Variants in AKIRIN2 observed in about 807,000 individuals in gnomAD.
The protein encoded by AKIRIN2 is akirin-2.
In AKIRIN2, 6 loss-of-function variants were observed where a neutral mutation model predicts 29.3. That is an observed-to-expected ratio of 0.20 (90% CI 0.11 to 0.40). AKIRIN2 has a LOEUF of 0.40. AKIRIN2 is among the 10% of genes least tolerant of loss of function. The pLI, the probability that AKIRIN2 is intolerant of heterozygous loss-of-function variation, is 1.00. For missense variants in AKIRIN2, 210 were observed against 276.1 expected (o/e 0.76, Z 1.70); for synonymous variants, 128 against 117.5 (o/e 1.09, Z -0.58).
Position 87,701,939 on chromosome 6 carries a change from C to T in AKIRIN2, c.-255G>A, listed in dbSNP as rs1339312284. On this transcript the variant is annotated 5_prime_UTR_variant, in exon 1 of 5. Coordinates refer to ENST00000257787, the MANE Select transcript of AKIRIN2 (RefSeq NM_018064.4). ...GGCGGGCAGAAGCACACGCCAGTCG[C>T]GTCAGGGGGGTTCTTCCGCCTCCTC... 7.4e-6 allele frequency: 3 copies of T among 406,220 alleles called. No individual in the cohort carries two copies. In the East Asian group the frequency reaches 1.1e-4, roughly 14 times the overall value. The allele number at this position is 406,220 out of a possible 1,614,324, so 25.2% of individuals were successfully genotyped here.
chr6:87,676,447 CAAAAAAAA>C (rs71021319), intron 3 of AKIRIN2, among the ~76,000 whole-genome samples: 3 of 41,916 alleles, frequency 7.2e-5, no homozygotes, highest in Non-Finnish European at 1.3e-4. Context: ...GCCTGGGCAA[CAAAAAAAA>C]AAAAAAAAAA....
At chr6:87,681,241 T>C (rs769218829) in intron 2 of AKIRIN2, among the ~76,000 whole-genome samples, 16 of 152,192 alleles carry the variant, frequency 1.1e-4, no homozygotes, top group Admixed American at 3.3e-4. Flanking sequence ...TTTTGCCATG[T>C]TGGCCAGGCT....
At chr6:87,686,576 C>T (rs1002707394) in intron 1 of AKIRIN2, among the ~76,000 whole-genome samples, 1 of 151,900 alleles carries the variant, frequency 6.6e-6, no homozygotes, top group Admixed American at 6.6e-5. Flanking sequence ...CTATTTTCCT[C>T]CAGACATCAT....
chr6:87,698,141 C>T (rs992569849), intron 1 of AKIRIN2, among the ~76,000 whole-genome samples: 3 of 152,110 alleles, frequency 2.0e-5, no homozygotes, highest in African/African-American at 7.2e-5. Flanking sequence ...CTACTAGAGG[C>T]ATTCATTTCA....
intron 3 of AKIRIN2, among the ~76,000 whole-genome samples, chr6:87,677,255 T>C (rs538677517): frequency 4.6e-5 from 7 of 152,270 alleles, no homozygotes; most frequent in Admixed American, 6.5e-5. Context: ...AAAGTTGTTA[T>C]ATATCTAAGC....
chr6:87,677,515 G>A lies in AKIRIN2; in HGVS notation c.529+303C>T, dbSNP rs565753777. ...TTTAAATGTCTACATTGATGGTAAC[G>A]TTATGAAAAATATAAAGTCAAAAAA... is the stretch of plus-strand genomic sequence containing the variant. On this transcript the variant is annotated intron_variant, in intron 3 of 4. Coordinates refer to ENST00000257787, the MANE Select transcript of AKIRIN2 (RefSeq NM_018064.4). Among the ~76,000 whole-genome samples, 8 of 152,026 alleles carry A rather than the reference G, an allele frequency of 5.3e-5. 1 individual carries two copies. The highest frequency in any genetic ancestry group is 4.1e-4 in the South Asian group (2 of 4,822).
chr6:87,684,212 A>G (rs1330544738), intron 1 of AKIRIN2, among the ~76,000 whole-genome samples: 1 of 152,190 alleles, frequency 6.6e-6, no homozygotes, highest in Non-Finnish European at 1.5e-5. Context: ...CACAACTAAA[A>G]TGTACCAAAA....
At chr6:87,696,227 A>G (rs1771359711) in intron 1 of AKIRIN2, among the ~76,000 whole-genome samples, 1 of 152,080 alleles carries the variant, frequency 6.6e-6, no homozygotes, top group Non-Finnish European at 1.5e-5. Context: ...TTCTTTTTCC[A>G]ATAAAGCCAT....
intron 2 of AKIRIN2, 36 bp downstream of exon 2, chr6:87,681,580 CTAAA>C (rs1214780332): frequency 6.4e-7 from 1 of 1,572,992 alleles, no homozygotes; most frequent in Non-Finnish European, 8.6e-7. Flanking sequence ...TTTTCCCACT[CTAAA>C]TAATAAACTT....
rs1040687212 is a variant in AKIRIN2 at position 87,697,235 on chromosome 6, C to T, written c.235+4215G>A. Among the ~76,000 whole-genome samples, 7 of 151,630 alleles carry T rather than the reference C, an allele frequency of 4.6e-5. No homozygotes were observed. In the East Asian group the frequency reaches 1.4e-3, roughly 29 times the overall value. ...GGCTGAGGCTCGAGAATCGCTTGAA[C>T]CCAGGAGATGGAGGTTGCAATGAGT... is the stretch of plus-strand genomic sequence containing the variant. On this transcript the variant is annotated intron_variant, in intron 1 of 4. Transcript: ENST00000257787.
chr6:87,684,482 T>A (rs1771160336), intron 1 of AKIRIN2, among the ~76,000 whole-genome samples: 1 of 152,152 alleles, frequency 6.6e-6, no homozygotes, highest in Non-Finnish European at 1.5e-5. Flanking sequence ...GATAAATAAC[T>A]TTTTATCACT....
chr6:87,696,699 CAAAAA>C (rs35676911), intron 1 of AKIRIN2, among the ~76,000 whole-genome samples: 3 of 87,772 alleles, frequency 3.4e-5, no homozygotes, highest in South Asian at 4.3e-4. Context: ...AGACTCCATC[CAAAAA>C]AAAAAAAAAA....
intron 1 of AKIRIN2, among the ~76,000 whole-genome samples, chr6:87,687,834 C>T (rs937443680): frequency 1.3e-5 from 2 of 152,142 alleles, no homozygotes; most frequent in Non-Finnish European, 2.9e-5. Flanking sequence ...AACTTACAAG[C>T]TATCAAAATA....
chr6:87,694,352 A>G (rs568547216), intron 1 of AKIRIN2, among the ~76,000 whole-genome samples: 1 of 152,346 alleles, frequency 6.6e-6, no homozygotes, highest in African/African-American at 2.4e-5. Context: ...ACTAATGTGG[A>G]AAAATATTAA....
intron 1 of AKIRIN2, among the ~76,000 whole-genome samples, chr6:87,688,574 C>T (rs1670710806): frequency 6.6e-6 from 1 of 151,998 alleles, no homozygotes; most frequent in African/African-American, 2.4e-5. Flanking sequence ...GGAGAAACCC[C>T]ATCTCTACTA....
chr6:87,680,514 A>G (rs2787910), intron 2 of AKIRIN2, among the ~76,000 whole-genome samples: 47,742 of 150,200 alleles, frequency 0.32, 9,036 homozygotes, highest in African/African-American at 0.54. Flanking sequence ...CTCGTGATAA[A>G]CCTGCCTTGG....
Position 87,675,418 on chromosome 6 carries a change from C to A in AKIRIN2, c.*179G>T, listed in dbSNP as rs1175841766. 1.4e-6 allele frequency: 1 copy of A among 740,610 alleles called. No individual in the cohort carries two copies. Among genetic ancestry groups the A allele is most frequent in the Admixed American group, 2.4e-5 (1 of 41,866 alleles). 45.9% of individuals were successfully genotyped at this position (740,610 alleles called of 1,614,324 possible). ...AGCAAAGGTCCACATCCAGGTGGTACTGACATCAGGGAAATTTCCAAAACC... is the reference window on the plus strand; with the variant it reads ...AGCAAAGGTCCACATCCAGGTGGTAATGACATCAGGGAAATTTCCAAAACC... On this transcript the variant is annotated 3_prime_UTR_variant, in exon 5 of 5. Transcript: ENST00000257787.
intron 2 of AKIRIN2, among the ~76,000 whole-genome samples, chr6:87,680,941 A>G (rs1173247682): frequency 6.6e-6 from 1 of 152,166 alleles, no homozygotes; most frequent in African/African-American, 2.4e-5. Context: ...AGTTCTTAAA[A>G]TACTATACCA....
chr6:87,688,189 T>C (rs1239599153), intron 1 of AKIRIN2, among the ~76,000 whole-genome samples: 2 of 152,002 alleles, frequency 1.3e-5, no homozygotes, highest in Non-Finnish European at 2.9e-5. Flanking sequence ...TGTAGTGCAA[T>C]GGTGTGATCT....
Sources: gnomAD v4.1 joint callset for allele counts (sites outside exome capture counted in the v4.1 genomes callset) on GRCh38, gnomAD v4.1.1 for gene constraint, MANE v1.5 for transcripts, NCBI Gene and HGNC (gene_info 2026-07-23, HGNC 2026-07-21) for gene names.